The following ARHGEF1 variants were observed in gnomAD, a reference collection of about 807,000 sequenced individuals.
ARHGEF1 encodes the protein 115 kDa guanine nucleotide exchange factor.
ARHGEF1 carries 40 observed loss-of-function variants against 119.7 expected under a neutral mutation model. The ratio of observed to expected loss-of-function variants is 0.33; its 90% confidence interval spans 0.26 to 0.44. The LOEUF (loss-of-function observed/expected upper bound fraction) is 0.44, where lower values mean the gene tolerates loss of function less well. Among genes scored for constraint, ARHGEF1 ranks in the 20% least tolerant of loss-of-function variants. The probability of loss-of-function intolerance (pLI) is 1.00; values close to 1 mark genes in which losing one functional copy is unlikely to be tolerated. For missense variants in ARHGEF1, 976 were observed against 1,268.3 expected (o/e 0.77, Z 3.50); for synonymous variants, 494 against 521.0 (o/e 0.95, Z 0.71).
chr19:41,896,488 C>A lies in ARHGEF1; in HGVS notation c.1121+6C>A, dbSNP rs2074489564. The A allele has an allele frequency of 2.0e-6, 3 of 1,488,686 alleles. No homozygotes were observed. Among genetic ancestry groups the A allele is most frequent in the East Asian group, 2.5e-5 (1 of 40,348 alleles). The allele number at this position is 1,488,686 out of a possible 1,614,324, so 92.2% of individuals were successfully genotyped here. On this transcript the variant is annotated splice_donor_region_variant and intron_variant, in intron 13 of 28. Coordinates refer to ENST00000354532, the MANE Select transcript of ARHGEF1 (RefSeq NM_004706.4). ...GAGGGGGCCGAAACCGAGAGGTGCC[C>A]AGGCTGGGGTGCAGGGGCGGGAGGT...
At chr19:41,911,208 C>T (rs145152183), downstream of ARHGEF1, among the ~76,000 whole-genome samples, 21 of 152,248 alleles carry the variant, frequency 1.4e-4, no homozygotes, top group East Asian at 4.1e-3. Flanking sequence ...GTCCACATAC[C>T]CCCAGGAGCT....
intron 14 of ARHGEF1, among the ~76,000 whole-genome samples, chr19:41,899,240 C>T (rs1207576345): frequency 6.6e-6 from 1 of 152,016 alleles, no homozygotes; most frequent in Admixed American, 6.5e-5. Flanking sequence ...CCTCCTACCT[C>T]AGCCTCCCAA....
intron 1 of ARHGEF1, among the ~76,000 whole-genome samples, chr19:41,923,797 G>C (rs10414709): frequency 0.38 from 795 of 2,076 alleles, 301 homozygotes; most frequent in East Asian, 0.72. Flanking sequence ...GGTGGATCTG[G>C]GGAGGCGGGG....
chr19:41,906,914 C>A lies in ARHGEF1; in HGVS notation c.*17+111C>A. On this transcript the variant is annotated intron_variant, in intron 28 of 28. Coordinates refer to ENST00000354532, the MANE Select transcript of ARHGEF1 (RefSeq NM_004706.4). This position sits in a 1 kb window ranked among gnomAD's most constrained non-coding sequence, Gnocchi z 4.5. ...ATCTCCCTCTTTGTCTTTTCTGAAT[C>A]TCCCCACTCCACCTCGTGTTTCTCA... 1.0e-6 allele frequency: 1 copy of A among 980,700 alleles called. No individual in the cohort carries two copies. Among genetic ancestry groups the A allele is most frequent in the Non-Finnish European group, 1.5e-6 (1 of 676,928 alleles). 60.7% of individuals were successfully genotyped at this position (980,700 alleles called of 1,614,324 possible). A position where few individuals can be genotyped will look rare whatever the true frequency, so the allele number is the denominator to read the frequency against.
chr19:41,910,037 T>C (rs2074743546), downstream of ARHGEF1: 1 of 1,613,488 alleles, frequency 6.2e-7, no homozygotes, highest in African/African-American at 1.3e-5. The surrounding 1 kb of genome is among the most constrained non-coding windows in gnomAD (Gnocchi z 4.4). Flanking sequence ...GTGCCACAGC[T>C]GGATCTGCCT....
At chr19:41,893,233 G>A (rs558882193) in intron 7 of ARHGEF1, 41 bp from the exon 8 acceptor site, 5 of 1,611,798 alleles carry the variant, frequency 3.1e-6, no homozygotes, top group Non-Finnish European at 4.2e-6. Context: ...GGGACCCCAG[G>A]CCTAGCAAAT....
At position 41,916,134 on chromosome 19, in the gene ARHGEF1, C is replaced by G. The variant is rs2074800123; in HGVS notation, c.1866-6958C>G. Among the ~76,000 whole-genome samples, 1 of 152,038 alleles carries G rather than the reference C, an allele frequency of 6.6e-6. No individual in the cohort carries two copies. The highest frequency in any genetic ancestry group is 2.4e-5 in the African/African-American group (1 of 41,382). ...GCGAGGGCCCTCCTCCCTTCTCTCC[C>G]TGCCAAGCACAACCACACAGACCCA... On this transcript the variant is annotated intron_variant, in intron 18 of 20. Transcript: ENST00000599589. The surrounding 1 kb of genome is among the most constrained non-coding windows in gnomAD (Gnocchi z 5.4).
At position 41,895,400 on chromosome 19, in the gene ARHGEF1, G is replaced by A. The variant is rs1555847357; in HGVS notation, c.929G>A (p.Arg310Gln). 4 of 1,612,746 alleles carry A rather than the reference G, an allele frequency of 2.5e-6. No individual in the cohort carries two copies. The highest frequency in any genetic ancestry group is 1.7e-5 in the Admixed American group (1 of 59,986). The stretch of plus-strand genomic sequence containing the variant: ...AAGGGAGGCGTGGGGATGCCCTCTC[G>A]GGACCGGAATATCGGGGCTCCTGGG... Reference protein sequence around the residue: ...DRKGGVGMPSRDRNIGAPGQD... With the variant: ...DRKGGVGMPSQDRNIGAPGQD... Residue 310 changes from arginine (R) to glutamine (Q), a missense_variant, in exon 12 of 29, where the codon CGG becomes CAG. Transcript: ENST00000354532.
intron 12 of ARHGEF1, among the ~76,000 whole-genome samples, 190 bp downstream of exon 12, chr19:41,895,676 T>C (rs1555847430): frequency 6.6e-6 from 1 of 152,156 alleles, no homozygotes; most frequent in East Asian, 1.9e-4. Flanking sequence ...GTTTGCCCTT[T>C]CCACAGCTTT....
chr19:41,909,590 CTG>C (rs2074741185), downstream of ARHGEF1: 1 of 883,014 alleles, frequency 1.1e-6, no homozygotes, highest in African/African-American at 1.7e-5. This position sits in a 1 kb window ranked among gnomAD's most constrained non-coding sequence, Gnocchi z 5.2. Flanking sequence ...CTTGGGGAAA[CTG>C]AGGCTCACAG....
At position 41,903,669 on chromosome 19, in the gene ARHGEF1, C is replaced by G; in HGVS notation, c.1840-38C>G. On this transcript the variant is annotated intron_variant, in intron 19 of 28. Coordinates refer to ENST00000354532, the MANE Select transcript of ARHGEF1 (RefSeq NM_004706.4). This position sits in a 1 kb window ranked among gnomAD's most constrained non-coding sequence, Gnocchi z 4.2. Reference sequence around the variant, plus strand: ...GGGTCACTGCAGGTCAGCCCCAGCACTTAGCTTGTCCCCATAATGCTCCCG... The same window carrying G: ...GGGTCACTGCAGGTCAGCCCCAGCAGTTAGCTTGTCCCCATAATGCTCCCG... 6.2e-7 allele frequency: 1 copy of G among 1,605,534 alleles called. No individual in the cohort carries two copies. Among genetic ancestry groups the G allele is most frequent in the Non-Finnish European group, 8.5e-7 (1 of 1,176,204 alleles).
At chr19:41,924,089 T>C in intron 1 of ARHGEF1, among the ~76,000 whole-genome samples, 1 of 150,524 alleles carries the variant, frequency 6.6e-6, no homozygotes, top group Non-Finnish European at 1.5e-5. Context: ...GCATGTGGAA[T>C]GACAGCCTTA....
In ARHGEF1 at chr19:41,892,518, T is replaced by C; in HGVS notation, c.368-85T>C. The C allele has an allele frequency of 6.3e-7, 1 of 1,575,498 alleles. No individual in the cohort carries two copies. The highest frequency in any genetic ancestry group is 1.7e-5 in the Admixed American group (1 of 58,052). On this transcript the variant is annotated intron_variant, in intron 6 of 28. Coordinates refer to ENST00000354532, the MANE Select transcript of ARHGEF1 (RefSeq NM_004706.4). This position sits in a 1 kb window ranked among gnomAD's most constrained non-coding sequence, Gnocchi z 6.3. Reference sequence around the variant, plus strand: ...TTCTTGGCAGCGGCCTCAGGACGTGTGGCTGTTGGAGTCCAAGGGTGGGTG... The same window carrying C: ...TTCTTGGCAGCGGCCTCAGGACGTGCGGCTGTTGGAGTCCAAGGGTGGGTG...
chr19:41,898,631 C>T (rs1555848488), intron 14 of ARHGEF1, 44 bp downstream of exon 14: 2 of 1,539,846 alleles, frequency 1.3e-6, no homozygotes, highest in South Asian at 2.4e-5. Context: ...AGGACACAGT[C>T]CAGCTCTGGC....
At chr19:41,893,352 G>A in intron 8 of ARHGEF1, 49 bp downstream of exon 8, 1 of 1,525,032 alleles carries the variant, frequency 6.6e-7, no homozygotes, top group South Asian at 1.2e-5. Flanking sequence ...GAGGGAGGAG[G>A]GGGCTGAGGG....
Position 41,904,417 on chromosome 19 carries a change from G to A in ARHGEF1, c.2161+34G>A. ...AGCCACTGCATGGCCCAGGGCAGAG[G>A]GTGTCTTTTTTGGGCAGAGCTGCCT... On this transcript the variant is annotated intron_variant, in intron 22 of 28. Transcript: ENST00000354532. This position sits in a 1 kb window ranked among gnomAD's most constrained non-coding sequence, Gnocchi z 8.4. 6.6e-7 allele frequency: 1 copy of A among 1,516,574 alleles called. No homozygotes were observed. The highest frequency in any genetic ancestry group is 8.8e-7 in the Non-Finnish European group (1 of 1,132,608). The allele number at this position is 1,516,574 out of a possible 1,614,324, so 93.9% of individuals were successfully genotyped here.
At chr19:41,922,818 T>G (rs1407433953), upstream of ARHGEF1, among the ~76,000 whole-genome samples, 1 of 152,184 alleles carries the variant, frequency 6.6e-6, no homozygotes, top group Non-Finnish European at 1.5e-5. Flanking sequence ...AATAAATTAT[T>G]GTGACAAGAT....
chr19:41,899,788 C>T (rs1555848677), intron 14 of ARHGEF1, among the ~76,000 whole-genome samples: 1 of 152,042 alleles, frequency 6.6e-6, no homozygotes, highest in East Asian at 1.9e-4. Flanking sequence ...CTGTGCCTAG[C>T]CCAAGAGAAA....
At chr19:41,900,096 A>G (rs1428057792) in intron 14 of ARHGEF1, among the ~76,000 whole-genome samples, 1 of 152,096 alleles carries the variant, frequency 6.6e-6, no homozygotes, top group Non-Finnish European at 1.5e-5. Flanking sequence ...CACTTTGGGA[A>G]GCCGAGGTGG....
Sources: allele counts gnomAD v4.1 joint callset (sites outside exome capture counted in the v4.1 genomes callset), GRCh38; gene constraint gnomAD v4.1.1; non-coding constraint Gnocchi (gnomAD v3.1); transcripts MANE v1.5; gene names NCBI Gene and HGNC (gene_info 2026-07-23, HGNC 2026-07-21).